CDKN3: variants seen among roughly 807,000 people sequenced by gnomAD.
CDKN3 encodes the protein cyclin dependent kinase inhibitor 3.
CDKN3 carries 19 observed loss-of-function variants against 36.1 expected under a neutral mutation model. That is an observed-to-expected ratio of 0.53 (90% CI 0.37 to 0.77). CDKN3 has a LOEUF of 0.77. Ranked by LOEUF, CDKN3 falls within the 30% of genes least tolerant of loss-of-function variation. CDKN3 has a pLI of 0.00. For missense variants in CDKN3, 188 were observed against 248.6 expected (o/e 0.76, Z 1.64); for synonymous variants, 71 against 85.3 (o/e 0.83, Z 0.92).
rs757000163 is a variant in CDKN3 at position 54,401,587 on chromosome 14, A to T, written c.148+8A>T. The T allele has an allele frequency of 4.4e-6, 7 of 1,583,674 alleles. No individual in the cohort carries two copies. The highest frequency in any genetic ancestry group is 5.2e-6 in the Non-Finnish European group (6 of 1,155,452). ...GTTTATGTGCTCTTCCAGGTGGGTA[A>T]CACAATAATGGGCTTCCTATCAATA... is the stretch of plus-strand genomic sequence containing the variant. On this transcript the variant is annotated splice_region_variant and intron_variant, in intron 3 of 7. Coordinates refer to ENST00000335183, the MANE Select transcript of CDKN3 (RefSeq NM_005192.4).
At chr14:54,418,125 C>T (rs2030611081) in intron 7 of CDKN3, 174 bp downstream of exon 7, 4 of 693,288 alleles carry the variant, frequency 5.8e-6, no homozygotes, top group Middle Eastern at 2.4e-4. Flanking sequence ...TAAAAATTTA[C>T]AAGTAAATAT....
chr14:54,419,942 T>C, intron 7 of CDKN3, 50 bp from the exon 8 acceptor site: 1 of 1,052,098 alleles, frequency 9.5e-7, no homozygotes, highest in Non-Finnish European at 1.5e-6. Context: ...GTGCCCACAC[T>C]GATAACTAGT....
chr14:54,408,474 A>C, intron 3 of CDKN3: 1 of 325,244 alleles, frequency 3.1e-6, no homozygotes, highest in African/African-American at 2.2e-5. Context: ...AATCTTAATA[A>C]AGCTTAAAGC....
chr14:54,408,545 T>C (rs750694833), intron 3 of CDKN3, 200 bp from the exon 4 acceptor site: 1 of 591,004 alleles, frequency 1.7e-6, no homozygotes, highest in Non-Finnish European at 2.7e-6. Context: ...AAACACAGAA[T>C]ACAGAATCCT....
intron 6 of CDKN3, among the ~76,000 whole-genome samples, chr14:54,416,360 T>A (rs2030550454): frequency 6.6e-6 from 1 of 152,244 alleles, no homozygotes. Flanking sequence ...GAGTAGTAGT[T>A]ATTTTTTTAG....
At chr14:54,410,525 T>C (rs1053592870) in intron 4 of CDKN3, among the ~76,000 whole-genome samples, 2 of 152,214 alleles carry the variant, frequency 1.3e-5, no homozygotes, top group Non-Finnish European at 2.9e-5. Context: ...AGAATGCCTA[T>C]AGTATTCATA....
chr14:54,407,140 C>T (rs1225283964), intron 3 of CDKN3, among the ~76,000 whole-genome samples: 1 of 152,206 alleles, frequency 6.6e-6, no homozygotes, highest in African/African-American at 2.4e-5. Context: ...GAGGTCCACT[C>T]CAGACCCTGT....
chr14:54,417,565 T>C (rs1165150097), intron 6 of CDKN3, among the ~76,000 whole-genome samples: 1 of 152,202 alleles, frequency 6.6e-6, no homozygotes. Flanking sequence ...AAATTGACTG[T>C]GGTGATGGTT....
At chr14:54,405,642 T>C (rs894045849) in intron 3 of CDKN3, among the ~76,000 whole-genome samples, 1 of 152,206 alleles carries the variant, frequency 6.6e-6, no homozygotes, top group African/African-American at 2.4e-5. Flanking sequence ...GTCTGTTTTA[T>C]CAGAAACTAG....
rs539877813 is a variant in CDKN3 at position 54,413,554 on chromosome 14, C to G, written c.416+1848C>G. The G allele has an allele frequency of 1.6e-5, 20 of 1,260,848 alleles. No individual in the cohort carries two copies. In the African/African-American group the frequency reaches 2.2e-4, roughly 14 times the overall value. 78.1% of individuals were successfully genotyped at this position (1,260,848 alleles called of 1,614,324 possible). A position where few individuals can be genotyped will look rare whatever the true frequency, so the allele number is the denominator to read the frequency against. On this transcript the variant is annotated intron_variant, in intron 5 of 7. Transcript: ENST00000335183. Reference sequence around the variant, plus strand: ...GTGACTTTGCATATGCTGAATGTTTCAGTCTCCCATAAAATAAAGCATCTG... The same window carrying G: ...GTGACTTTGCATATGCTGAATGTTTGAGTCTCCCATAAAATAAAGCATCTG...
intron 1 of CDKN3, among the ~76,000 whole-genome samples, chr14:54,397,890 G>A (rs1173120164): frequency 6.6e-6 from 1 of 152,220 alleles, no homozygotes; most frequent in Non-Finnish European, 1.5e-5. Flanking sequence ...CAACACTTTG[G>A]GAGGCCAAGG....
At chr14:54,409,128 T>G (rs2030265609) in intron 4 of CDKN3, among the ~76,000 whole-genome samples, 1 of 152,150 alleles carries the variant, frequency 6.6e-6, no homozygotes, top group Non-Finnish European at 1.5e-5. Context: ...CCTTGCAGAC[T>G]TGACTGTGGT....
At chr14:54,404,083 A>G (rs909437967) in intron 3 of CDKN3, among the ~76,000 whole-genome samples, 2 of 151,848 alleles carry the variant, frequency 1.3e-5, no homozygotes, top group Admixed American at 1.3e-4. Context: ...CTCTTTTTCT[A>G]TTGTTTGGAA....
At chr14:54,414,816 T>C (rs2030484101) in intron 5 of CDKN3, among the ~76,000 whole-genome samples, 1 of 151,524 alleles carries the variant, frequency 6.6e-6, no homozygotes. Context: ...CCCAAAGTGC[T>C]GGGATTATAG....
chr14:54,410,342 T>C (rs755032531), intron 4 of CDKN3, among the ~76,000 whole-genome samples: 17 of 152,194 alleles, frequency 1.1e-4, no homozygotes, highest in Non-Finnish European at 1.8e-4. Flanking sequence ...TGTATAGTAC[T>C]GTACATCTCA....
Position 54,405,862 on chromosome 14 carries a change from G to A in CDKN3, c.149-2883G>A, listed in dbSNP as rs545949879. 3.3e-5 allele frequency among the ~76,000 whole-genome samples: 5 copies of A among 152,300 alleles called. No individual in the cohort carries two copies. The South Asian group carries it at 8.3e-4, about 25-fold the overall frequency. On this transcript the variant is annotated intron_variant, in intron 3 of 7. Coordinates refer to ENST00000335183, the MANE Select transcript of CDKN3 (RefSeq NM_005192.4). ...ATTTAAGGTCAATATTGTTATGTGTGAATTTTATCCTGTCATTATGATGCT... is the reference window on the plus strand; with the variant it reads ...ATTTAAGGTCAATATTGTTATGTGTAAATTTTATCCTGTCATTATGATGCT...
At chr14:54,406,995 T>A (rs1286335934) in intron 3 of CDKN3, among the ~76,000 whole-genome samples, 4 of 152,188 alleles carry the variant, frequency 2.6e-5, no homozygotes, top group Admixed American at 6.5e-5. Flanking sequence ...CGTTTGGTCT[T>A]TGATGTTGGT....
intron 5 of CDKN3, chr14:54,413,595 C>A: frequency 6.6e-7 from 1 of 1,526,102 alleles, no homozygotes; most frequent in Non-Finnish European, 8.8e-7. Context: ...TGGCATTTTT[C>A]ATTGTCCTAG....
intron 1 of CDKN3, among the ~76,000 whole-genome samples, chr14:54,399,335 G>A (rs534337532): frequency 3.9e-5 from 6 of 152,126 alleles, no homozygotes; most frequent in East Asian, 3.9e-4. Context: ...CAGCTAAAGC[G>A]TTTCCTCTGT....
Sources: allele counts gnomAD v4.1 joint callset (sites outside exome capture counted in the v4.1 genomes callset), GRCh38; gene constraint gnomAD v4.1.1; transcripts MANE v1.5; gene names NCBI Gene and HGNC (gene_info 2026-07-23, HGNC 2026-07-21).